ARHGAP28: variants seen among roughly 807,000 people sequenced by gnomAD.
ARHGAP28 encodes Rho GTPase activating protein 28.
Under a neutral mutation model 90.7 loss-of-function variants are expected in ARHGAP28, and 56 were observed. That is an observed-to-expected ratio of 0.62 (90% confidence interval 0.50 to 0.77). ARHGAP28 has a LOEUF of 0.77. ARHGAP28 is among the 30% of genes least tolerant of loss of function. The pLI, the probability that ARHGAP28 is intolerant of heterozygous loss-of-function variation, is 0.00. For synonymous variants in ARHGAP28, 308 were observed against 323.3 expected, an observed-to-expected ratio of 0.95 and a Z score of 0.51; for missense variants, 869 against 900.9, an observed-to-expected ratio of 0.96 and a Z score of 0.45.
chr18:6,729,843 G>A lies in ARHGAP28; in HGVS notation c.22G>A (p.Gly8Ser), dbSNP rs535604406. MEVEDSG[G>S]VVLTAYHSYA... ...GACGATGGAGGTGGAGGACTCGGGC[G>A]GCGTGGTGCTGACCGCCTACCACTC... is the stretch of plus-strand genomic sequence containing the variant. The change falls in exon 1 of 18, where the codon GGC (glycine) becomes AGC (serine). Residue 8 changes from glycine to serine, a missense_variant. By Grantham distance (56) the Gly-to-Ser change is moderately conservative. Transcript: ENST00000383472. 436 of 1,424,296 alleles carry A rather than the reference G, an allele frequency of 3.1e-4. 2 individuals are homozygous for A. The African/African-American group carries it at 5.9e-3, about 19-fold the overall frequency. 88.2% of individuals were successfully genotyped at this position (1,424,296 alleles called of 1,614,324 possible). A position where few individuals can be genotyped will look rare whatever the true frequency, so the allele number is the denominator to read the frequency against.
chr18:6,882,441 C>A (rs2057186768), intron 11 of ARHGAP28, 142 bp downstream of exon 11: 1 of 723,882 alleles, frequency 1.4e-6, no homozygotes, highest in Non-Finnish European at 2.1e-6. Flanking sequence ...AGTTTGATGG[C>A]AAACAGTCAC....
At chr18:6,852,907 T>C (rs2056921578) in intron 4 of ARHGAP28, among the ~76,000 whole-genome samples, 1 of 152,162 alleles carries the variant, frequency 6.6e-6, no homozygotes, top group African/African-American at 2.4e-5. Context: ...GGAGCAAGTT[T>C]TATAGTCAGA....
rs117427168 is a variant in ARHGAP28 at position 6,853,191 on chromosome 18, C to A, written c.636+2065C>A. Among the ~76,000 whole-genome samples the A allele has an allele frequency of 7.2e-3, 1,089 of 152,256 alleles. 9 individuals carry two copies. Among genetic ancestry groups the A allele is most frequent in the Middle Eastern group, 0.02 (6 of 294 alleles). ...TAAACCAAAAATAAAATTCTAAGGC[C>A]TTCAACTATCTGAATGGACCCCTTC... On this transcript the variant is annotated intron_variant, in intron 4 of 17. Coordinates refer to ENST00000383472, the MANE Select transcript of ARHGAP28 (RefSeq NM_001366230.1).
intron 1 of ARHGAP28, chr18:6,774,271 A>C (rs981895167): frequency 2.0e-5 from 3 of 152,342 alleles, no homozygotes; most frequent in African/African-American, 7.2e-5. Flanking sequence ...CTTCGGCCAC[A>C]GACTTCTTTC....
chr18:6,876,317 T>TAGGAAGGACCAAG, intron 10 of ARHGAP28, 109 bp downstream of exon 10: 1 of 809,744 alleles, frequency 1.2e-6, no homozygotes, highest in Non-Finnish European at 2.1e-6. Flanking sequence ...ATATTATCAC[T>TAGGAAGGACCAAG]TGGTCCTTCC....
At chr18:6,882,707 G>A (rs528641122) in intron 11 of ARHGAP28, among the ~76,000 whole-genome samples, 21 of 152,240 alleles carry the variant, frequency 1.4e-4, no homozygotes, top group African/African-American at 4.6e-4. Flanking sequence ...CAAAAAATAC[G>A]ACATCACTGC....
chr18:6,871,283 A>G (rs960848948), intron 7 of ARHGAP28, among the ~76,000 whole-genome samples: 3 of 152,150 alleles, frequency 2.0e-5, no homozygotes, highest in Admixed American at 1.3e-4. Context: ...TGTTTTACAA[A>G]TGAAATAGGA....
rs189839980 is a variant in ARHGAP28 at position 6,849,890 on chromosome 18, T to C, written c.544-1144T>C. ...ATAACTCTTGCTTTCCTTTGAATTC[T>C]GAACAGTCTCTTCCAAGTATTTCTG... On this transcript the variant is annotated intron_variant, in intron 3 of 17. Coordinates refer to ENST00000383472, the MANE Select transcript of ARHGAP28 (RefSeq NM_001366230.1). 3.6e-3 allele frequency among the ~76,000 whole-genome samples: 548 copies of C among 152,288 alleles called. 1 individual carries two copies. Among genetic ancestry groups the C allele is most frequent in the Middle Eastern group, 0.01 (3 of 294 alleles).
chr18:6,860,099 A>G (rs575093465), intron 5 of ARHGAP28, among the ~76,000 whole-genome samples: 2 of 152,260 alleles, frequency 1.3e-5, no homozygotes, highest in Non-Finnish European at 2.9e-5. Context: ...TGAGGACTCC[A>G]TGGATTCATG....
rs564990083 is a variant in ARHGAP28, at chr18:6,887,249, G to T, written c.1536+10G>T. The T allele has an allele frequency of 6.2e-7, 1 of 1,613,206 alleles. No homozygotes were observed. The highest frequency in any genetic ancestry group is 1.7e-5 in the Admixed American group (1 of 60,000). On this transcript the variant is annotated intron_variant, in intron 12 of 17. Transcript: ENST00000383472. ...CAGAGATGCAGCTCAGGTACGTCGT[G>T]TCCACCTCACAGCTTGTCCTGGGGC...
chr18:6,826,308 AT>A (rs913990113), intron 2 of ARHGAP28, among the ~76,000 whole-genome samples: 1 of 151,798 alleles, frequency 6.6e-6, no homozygotes, highest in African/African-American at 2.4e-5. Context: ...TCCTTTGCCC[AT>A]TTTTTAATGG....
At chr18:6,809,215 C>T (rs984202873) in intron 1 of ARHGAP28, among the ~76,000 whole-genome samples, 1 of 152,158 alleles carries the variant, frequency 6.6e-6, no homozygotes, top group Non-Finnish European at 1.5e-5. Context: ...ATGGTTGCCT[C>T]CTCTATTTGT....
At chr18:6,796,283 A>AT (rs1260033424) in intron 1 of ARHGAP28, among the ~76,000 whole-genome samples, 2 of 152,080 alleles carry the variant, frequency 1.3e-5, no homozygotes, top group Admixed American at 6.6e-5. Context: ...ACATGCATAC[A>AT]TTTTTTTCAG....
chr18:6,805,674 C>A (rs550010578), intron 1 of ARHGAP28, among the ~76,000 whole-genome samples: 8 of 150,186 alleles, frequency 5.3e-5, no homozygotes, highest in African/African-American at 2.0e-4. Context: ...TTAGTAGAGA[C>A]GGGGTTTCAC....
chr18:6,841,183 CTCTCTCTCTCTCTCTCTCTCCTCTCCTCT>C, intron 3 of ARHGAP28, among the ~76,000 whole-genome samples: 1 of 49,686 alleles, frequency 2.0e-5, no homozygotes, highest in East Asian at 8.2e-4. Flanking sequence ...TCTCTCTCCT[CTCTCTCTCTCTCTCTCTCTCCTCTCCTCT>C]CTCTCTCTCT....
intron 1 of ARHGAP28, among the ~76,000 whole-genome samples, chr18:6,797,693 A>G (rs1450694870): frequency 6.7e-6 from 1 of 150,096 alleles, no homozygotes; most frequent in African/African-American, 2.5e-5. Flanking sequence ...TCGCAGTCTC[A>G]CTCTGTCACC....
chr18:6,830,249 C>T lies in ARHGAP28; in HGVS notation c.325+5285C>T, dbSNP rs549911847. 3.3e-5 allele frequency among the ~76,000 whole-genome samples: 5 copies of T among 152,060 alleles called. No individual in the cohort carries two copies. The East Asian group carries it at 5.8e-4, about 18-fold the overall frequency. On this transcript the variant is annotated intron_variant, in intron 2 of 17. Transcript: ENST00000383472. ...ATAGATTATTGTTAACTATAGTCAC[C>T]GTACTGTGCTACCAAATTCTGGATT... is the stretch of plus-strand genomic sequence containing the variant.
At position 6,851,034 on chromosome 18, in the gene ARHGAP28, C is replaced by T. The variant is rs1239125385; in HGVS notation, c.544C>T (p.Pro182Ser). ...RDIFGVSESP[P>S]RDTCGNHTNQ... ...ACGTGGCTTTCATTTCTTCCGTTAGCCTCGTGATACCTGTGGCAACCACAC... is the reference window on the plus strand; with the variant it reads ...ACGTGGCTTTCATTTCTTCCGTTAGTCTCGTGATACCTGTGGCAACCACAC... The change falls in exon 4 of 18, where the codon CCT becomes TCT. Residue 182 changes from proline to serine, a missense_variant and splice_region_variant. Pro to Ser is a moderately conservative substitution (Grantham distance 74). Coordinates refer to ENST00000383472, the MANE Select transcript of ARHGAP28 (RefSeq NM_001366230.1). 26 of 1,613,818 alleles carry T rather than the reference C, an allele frequency of 1.6e-5. No individual in the cohort carries two copies. Among genetic ancestry groups the T allele is most frequent in the Non-Finnish European group, 1.9e-5 (23 of 1,179,970 alleles).
At chr18:6,832,489 AAG>A in intron 2 of ARHGAP28, among the ~76,000 whole-genome samples, 1 of 151,968 alleles carries the variant, frequency 6.6e-6, no homozygotes, top group Admixed American at 6.6e-5. Flanking sequence ...GTACTGAGAG[AAG>A]TTGTTAAAAT....
Sources: allele counts gnomAD v4.1 joint callset (sites outside exome capture counted in the v4.1 genomes callset), GRCh38; gene constraint gnomAD v4.1.1; transcripts MANE v1.5; gene names NCBI Gene and HGNC (gene_info 2026-07-23, HGNC 2026-07-21).